The following SMCO2 variants were observed in gnomAD, a reference collection of about 807,000 sequenced individuals.
SMCO2 encodes the protein single-pass membrane and coiled-coil domain-containing protein 2.
A neutral mutation model predicts 29.5 loss-of-function variants in SMCO2; 25 were observed. The ratio of observed to expected loss-of-function variants is 0.85; its 90% CI spans 0.62 to 1.18. The LOEUF (loss-of-function observed/expected upper bound fraction) is 1.18. SMCO2 is among the 50% of genes most tolerant of loss of function. The pLI is 0.00. For synonymous variants in SMCO2, 117 were observed against 123.3 expected, an observed-to-expected ratio of 0.95 and a Z score of 0.34; for missense variants, 348 against 344.5, an observed-to-expected ratio of 1.01 and a Z score of -0.08.
At chr12:27,433,360 T>A in the SMCO2 span, among the ~76,000 whole-genome samples, 1 of 152,148 alleles carries the variant, frequency 6.6e-6, no homozygotes, top group African/African-American at 2.4e-5. Context: ...GAAAACAATG[T>A]AGTCATTCCT....
At chr12:27,444,561 C>T in the SMCO2 span, among the ~76,000 whole-genome samples, 9 of 152,122 alleles carry the variant, frequency 5.9e-5, no homozygotes, top group Non-Finnish European at 1.3e-4. Context: ...GAATAGACAA[C>T]CCACAAAATG....
chr12:27,472,988 T>C (rs1369925761), intron 3 of SMCO2, 113 bp downstream of exon 3: 1 of 783,542 alleles, frequency 1.3e-6, no homozygotes, highest in Non-Finnish European at 2.0e-6. Context: ...GGTTTTCTTC[T>C]AATTGGTGCA....
the SMCO2 span, among the ~76,000 whole-genome samples, chr12:27,437,797 A>G: frequency 6.6e-6 from 1 of 152,174 alleles, no homozygotes; most frequent in Non-Finnish European, 1.5e-5. Flanking sequence ...CCTTTTGTCC[A>G]AAGACCCCTT....
At chr12:27,457,739 CT>C in the SMCO2 span, among the ~76,000 whole-genome samples, 1 of 152,216 alleles carries the variant, frequency 6.6e-6, no homozygotes, top group Non-Finnish European at 1.5e-5. Context: ...TTCCTGATTT[CT>C]GTACAAAGTC....
At chr12:27,479,507 C>T (rs776851059) in intron 4 of SMCO2, among the ~76,000 whole-genome samples, 3 of 152,158 alleles carry the variant, frequency 2.0e-5, no homozygotes, top group African/African-American at 4.8e-5. Context: ...ATATCCATAT[C>T]GATAGCTGCA....
In SMCO2 at chr12:27,500,314, G is replaced by A. The variant is rs552121175; in HGVS notation, c.684-1609G>A. ...TTTAACTGTACCAAGAGTATTTACC[G>A]TAGGACAGAAAAAACTAGATGAGTA... On this transcript the variant is annotated intron_variant, in intron 7 of 7. Transcript: ENST00000298876. Among the ~76,000 whole-genome samples the A allele has an allele frequency of 1.3e-4, 19 of 149,964 alleles. 1 individual carries two copies. The highest frequency in any genetic ancestry group is 1.3e-3 in the South Asian group (6 of 4,740).
At chr12:27,458,743 C>T in the SMCO2 span, among the ~76,000 whole-genome samples, 2 of 151,792 alleles carry the variant, frequency 1.3e-5, no homozygotes, top group Admixed American at 6.6e-5. Flanking sequence ...AAAAATTAGC[C>T]GGGCATGGTG....
At chr12:27,493,793 C>T (rs7312613) in intron 5 of SMCO2, 30,814 of 152,122 alleles carry the variant, frequency 0.2, 4,007 homozygotes, top group East Asian at 0.42. Context: ...CTGTTGTCTC[C>T]ACCTGGCAAC....
At chr12:27,482,008 G>C (rs1255424466) in intron 4 of SMCO2, among the ~76,000 whole-genome samples, 1 of 140,484 alleles carries the variant, frequency 7.1e-6, no homozygotes. Context: ...ATTTGATTCT[G>C]CTTTTTTTTT....
chr12:27,496,907 C>G (rs1384501070), intron 7 of SMCO2: 1 of 151,330 alleles, frequency 6.6e-6, no homozygotes, highest in Non-Finnish European at 1.5e-5. Flanking sequence ...AATTTGGGGA[C>G]TTGACGTATA....
chr12:27,496,062 A>G (rs1942998242), intron 7 of SMCO2, among the ~76,000 whole-genome samples: 1 of 150,468 alleles, frequency 6.6e-6, no homozygotes, highest in African/African-American at 2.5e-5. Context: ...TTCGATATAT[A>G]TAGATTGCTT....
At chr12:27,465,635 T>G (rs543723215), upstream of SMCO2, among the ~76,000 whole-genome samples, 2 of 152,356 alleles carry the variant, frequency 1.3e-5, no homozygotes, top group South Asian at 4.1e-4. Context: ...TTCCATTCCT[T>G]TGACAACATT....
chr12:27,486,004 A>G (rs372459508), intron 4 of SMCO2, among the ~76,000 whole-genome samples: 4 of 152,306 alleles, frequency 2.6e-5, no homozygotes, highest in African/African-American at 9.6e-5. Context: ...CGGCTCCACT[A>G]TTGAAACAAT....
the SMCO2 span, among the ~76,000 whole-genome samples, chr12:27,461,664 T>C: frequency 6.6e-6 from 1 of 152,264 alleles, no homozygotes. Context: ...TTCTGTTTAA[T>C]TGGTTAAAAC....
chr12:27,459,697 C>T, the SMCO2 span, among the ~76,000 whole-genome samples: 1 of 152,186 alleles, frequency 6.6e-6, no homozygotes, highest in South Asian at 2.1e-4. Context: ...GCTCTCCTAT[C>T]CCAATGGGGT....
the SMCO2 span, among the ~76,000 whole-genome samples, chr12:27,431,101 C>T: frequency 6.6e-6 from 1 of 151,894 alleles, no homozygotes; most frequent in Admixed American, 6.6e-5. Flanking sequence ...CTGCAACCTC[C>T]GCCTCCTGGG....
At chr12:27,489,382 T>C (rs901593783) in intron 5 of SMCO2, among the ~76,000 whole-genome samples, 3 of 152,134 alleles carry the variant, frequency 2.0e-5, no homozygotes, top group Admixed American at 2.0e-4. Context: ...AATAGAATAT[T>C]AGAGCTGAAA....
intron 6 of SMCO2, 103 bp from the exon 8 acceptor site, chr12:27,495,577 G>T: frequency 1.8e-6 from 2 of 1,113,778 alleles, no homozygotes; most frequent in Non-Finnish European, 1.2e-6. Context: ...TTCTAATGTG[G>T]GCCCCCAAGG....
At chr12:27,441,430 A>G in the SMCO2 span, among the ~76,000 whole-genome samples, 1 of 152,364 alleles carries the variant, frequency 6.6e-6, no homozygotes, top group South Asian at 2.1e-4. Flanking sequence ...AAGCATGACT[A>G]ACTATACTTA....
Sources: allele counts gnomAD v4.1 joint callset (sites outside exome capture counted in the v4.1 genomes callset), GRCh38; gene constraint gnomAD v4.1.1; transcripts MANE v1.5; gene names NCBI Gene and HGNC (gene_info 2026-07-23, HGNC 2026-07-21).